The following USH2A variants were observed in gnomAD, a reference collection of about 807,000 sequenced individuals.
USH2A encodes Usher syndrome 2A (autosomal recessive, mild).
Under a neutral mutation model 538.9 loss-of-function variants are expected in USH2A, and 443 were observed. The ratio of observed to expected loss-of-function variants is 0.82; its 90% CI spans 0.76 to 0.89. USH2A has a LOEUF of 0.89. Ranked by LOEUF, USH2A falls within the 40% of genes least tolerant of loss-of-function variation. USH2A has a pLI of 0.00. For missense variants in USH2A, 6,633 were observed against 6,324.8 expected (o/e 1.05, Z -1.65); for synonymous variants, 2,413 against 2,273.5 (o/e 1.06, Z -1.75).
intron 21 of USH2A, among the ~76,000 whole-genome samples, chr1:216,140,491 G>A (rs1186935916): frequency 2.6e-5 from 4 of 152,072 alleles, no homozygotes; most frequent in Admixed American, 1.3e-4. Flanking sequence ...ACTTTTACAC[G>A]TGGCTGGCCC....
intron 37 of USH2A, among the ~76,000 whole-genome samples, chr1:215,954,392 T>G (rs1367885779): frequency 1.3e-5 from 2 of 151,940 alleles, no homozygotes; most frequent in African/African-American, 4.8e-5. Flanking sequence ...CCATAAAAAA[T>G]GATGAGTTCA....
intron 4 of USH2A, 48 bp downstream of exon 4, chr1:216,364,905 A>G (rs767842356): frequency 6.2e-7 from 1 of 1,609,694 alleles, no homozygotes; most frequent in African/African-American, 1.3e-5. Flanking sequence ...ATTTTTAAGA[A>G]CAATGTAATT....
intron 30 of USH2A, among the ~76,000 whole-genome samples, chr1:216,061,363 T>C (rs1005378857): frequency 2.0e-5 from 3 of 152,230 alleles, no homozygotes; most frequent in Non-Finnish European, 4.4e-5. Context: ...CATCTTATGA[T>C]ATTCCTTTGC....
At chr1:215,912,508 T>TAC (rs1665831468) in intron 38 of USH2A, among the ~76,000 whole-genome samples, 1 of 17,470 alleles carries the variant, frequency 5.7e-5, no homozygotes, top group East Asian at 1.3e-3. Context: ...TATATATATA[T>TAC]ATACGTGTAT....
At chr1:215,639,707 T>C (rs908591722) in intron 68 of USH2A, among the ~76,000 whole-genome samples, 1 of 152,194 alleles carries the variant, frequency 6.6e-6, no homozygotes, top group Non-Finnish European at 1.5e-5. Context: ...GTCACACAGA[T>C]GGTTATAGGC....
At position 215,653,312 on chromosome 1, in the gene USH2A, C is replaced by T. The variant is rs1228190769; in HGVS notation, c.14134-2511G>A. On this transcript the variant is annotated intron_variant, in intron 64 of 71. Transcript: ENST00000307340. ...CCTTGGAAATATTCTCTTTGAAAAC[C>T]AGGCAATTCAAAATTCCCCATCACT... 2.0e-5 allele frequency among the ~76,000 whole-genome samples: 3 copies of T among 152,252 alleles called. No individual in the cohort carries two copies. In the East Asian group the frequency reaches 5.8e-4, roughly 29 times the overall value.
intron 32 of USH2A, among the ~76,000 whole-genome samples, chr1:216,038,228 CT>C (rs995932458): frequency 7.2e-5 from 11 of 151,964 alleles, no homozygotes; most frequent in African/African-American, 2.4e-4. Context: ...TCCTCAAAAA[CT>C]TTTTGTAAAA....
intron 44 of USH2A, among the ~76,000 whole-genome samples, chr1:215,865,659 C>T (rs961216907): frequency 1.3e-5 from 2 of 152,136 alleles, no homozygotes; most frequent in African/African-American, 4.8e-5. Context: ...TAGCCATAAG[C>T]ATCAATTAAC....
chr1:216,272,544 T>C (rs959483581), intron 11 of USH2A, among the ~76,000 whole-genome samples: 1 of 152,136 alleles, frequency 6.6e-6, no homozygotes, highest in Admixed American at 6.6e-5. Context: ...TCCTTTCCCA[T>C]CATCAGTCTT....
intron 64 of USH2A, among the ~76,000 whole-genome samples, chr1:215,653,047 G>A (rs1657130615): frequency 6.6e-6 from 1 of 152,212 alleles, no homozygotes; most frequent in Non-Finnish European, 1.5e-5. Context: ...TTCATAGCAA[G>A]TGCTCAGCAC....
chr1:216,337,353 A>G (rs927294885), intron 4 of USH2A, among the ~76,000 whole-genome samples: 4 of 151,408 alleles, frequency 2.6e-5, no homozygotes, highest in Non-Finnish European at 5.9e-5. Flanking sequence ...GCCCAAGGTA[A>G]AACAGGTCAT....
intron 38 of USH2A, among the ~76,000 whole-genome samples, chr1:215,928,495 A>G (rs1354574773): frequency 1.3e-5 from 2 of 152,162 alleles, no homozygotes; most frequent in African/African-American, 4.8e-5. Context: ...ATACACATAC[A>G]CAATCTAAAA....
chr1:215,786,822 T>A lies in USH2A; in HGVS notation c.10235A>T (p.His3412Leu). 1.2e-6 allele frequency: 2 copies of A among 1,613,898 alleles called. No homozygotes were observed. The highest frequency in any genetic ancestry group is 2.7e-5 in the African/African-American group (2 of 75,022). ...AAAGTTGAAGTCACACCTGCCACAA[T>A]GTTCTGTGGCTTCCATAGATGCTGG... The part of the protein sequence containing the change: ...LCPASMEATE[H>L]CGRCDFNFTS... Residue 3412 changes from histidine (H) to leucine (L), a missense_variant, in exon 52 of 72, where the codon CAT becomes CTT. Coordinates refer to ENST00000307340, the MANE Select transcript of USH2A (RefSeq NM_206933.4).
chr1:215,648,397 C>A, intron 66 of USH2A, 131 bp downstream of exon 66: 2 of 928,214 alleles, frequency 2.2e-6, no homozygotes, highest in East Asian at 2.4e-5. Context: ...GTTCAATAAG[C>A]AAGTCCTCCC....
chr1:216,222,942 C>A (rs2035485014), intron 14 of USH2A, among the ~76,000 whole-genome samples: 2 of 144,980 alleles, frequency 1.4e-5, no homozygotes, highest in Admixed American at 1.4e-4. Context: ...TGCACCATTG[C>A]ACTCCAGCCT....
At chr1:216,342,177 G>A (rs745664095) in intron 4 of USH2A, among the ~76,000 whole-genome samples, 26 of 152,128 alleles carry the variant, frequency 1.7e-4, no homozygotes, top group African/African-American at 2.4e-4. Flanking sequence ...CAAAAAGTGG[G>A]CAAAGGATAT....
chr1:215,708,517 T>A (rs751169773), intron 61 of USH2A, among the ~76,000 whole-genome samples: 6 of 152,214 alleles, frequency 3.9e-5, no homozygotes, highest in Non-Finnish European at 7.3e-5. Flanking sequence ...ATCCGTTTCA[T>A]GGAAGACAAT....
intron 34 of USH2A, among the ~76,000 whole-genome samples, chr1:215,994,867 C>G (rs1178991558): frequency 6.6e-6 from 1 of 151,964 alleles, no homozygotes; most frequent in Non-Finnish European, 1.5e-5. Flanking sequence ...GAAAATATGG[C>G]AGGAAAAGAG....
intron 30 of USH2A, among the ~76,000 whole-genome samples, chr1:216,054,733 T>A (rs1171433936): frequency 1.3e-5 from 2 of 151,188 alleles, no homozygotes; most frequent in African/African-American, 4.9e-5. Flanking sequence ...TCCTTCATTA[T>A]GTTAATCTGT....
Sources: allele counts gnomAD v4.1 joint callset (sites outside exome capture counted in the v4.1 genomes callset), GRCh38; gene constraint gnomAD v4.1.1; transcripts MANE v1.5; gene names NCBI Gene and HGNC (gene_info 2026-07-23, HGNC 2026-07-21).